PLEKHA1: variants seen among roughly 807,000 people sequenced by gnomAD.
The protein encoded by PLEKHA1 is pleckstrin homology domain-containing family A member 1.
Under a neutral mutation model 52.0 loss-of-function variants are expected in PLEKHA1, and 34 were observed. The observed-to-expected ratio is 0.65, with a 90% CI of 0.50 to 0.87. The LOEUF is 0.87. Ranked by LOEUF, PLEKHA1 falls within the 40% of genes least tolerant of loss-of-function variation. PLEKHA1 has a pLI of 0.00. For synonymous variants in PLEKHA1, 163 were observed against 170.7 expected (o/e 0.95, Z 0.35); for missense variants, 497 against 504.2 (o/e 0.99, Z 0.14).
chr10:122,407,724 CTTGTG>C (rs1007926406), intron 5 of PLEKHA1, among the ~76,000 whole-genome samples: 2 of 152,090 alleles, frequency 1.3e-5, no homozygotes, highest in Non-Finnish European at 2.9e-5. Flanking sequence ...GGAAGGAGTT[CTTGTG>C]TTGTGAGATT....
At chr10:122,435,736 T>A (rs2097435281), downstream of PLEKHA1, 1 of 152,164 alleles carries the variant, frequency 6.6e-6, no homozygotes, top group Non-Finnish European at 1.5e-5. Context: ...TTTGGTTTTT[T>A]AATTATGTCC....
At chr10:122,417,236 G>A (rs2097189629) in intron 7 of PLEKHA1, among the ~76,000 whole-genome samples, 1 of 151,912 alleles carries the variant, frequency 6.6e-6, no homozygotes. Flanking sequence ...TTTACAGATG[G>A]AGAAACTTGA....
chr10:122,417,986 A>G lies in PLEKHA1; in HGVS notation c.681+18A>G, dbSNP rs763025972. The G allele has an allele frequency of 9.5e-6, 15 of 1,579,818 alleles. No individual in the cohort carries two copies. In the South Asian group the frequency reaches 1.3e-4, roughly 14 times the overall value. The stretch of plus-strand genomic sequence containing the variant: ...CTGAACTGGTATGTTGTTACGTCAT[A>G]AATGTTGCTATAAGAATGTTTGAAA... On this transcript the variant is annotated intron_variant, in intron 8 of 11. Coordinates refer to ENST00000368990, the MANE Select transcript of PLEKHA1 (RefSeq NM_001001974.4).
the PLEKHA1 span, chr10:122,439,987 A>T: frequency 6.6e-6 from 1 of 152,226 alleles, no homozygotes; most frequent in Admixed American, 6.5e-5. Context: ...CAATATACAG[A>T]ACTTATTTAA....
At chr10:122,413,776 G>A (rs2097138277) in intron 6 of PLEKHA1, among the ~76,000 whole-genome samples, 1 of 152,086 alleles carries the variant, frequency 6.6e-6, no homozygotes, top group Non-Finnish European at 1.5e-5. Context: ...TGGATATTAA[G>A]TTACTAGTAG....
intron 5 of PLEKHA1, among the ~76,000 whole-genome samples, chr10:122,409,245 A>T (rs1310262888): frequency 1.3e-5 from 2 of 152,182 alleles, no homozygotes; most frequent in Non-Finnish European, 2.9e-5. Flanking sequence ...AATCCATTTA[A>T]TACCCCAACA....
chr10:122,406,742 C>G, intron 5 of PLEKHA1, 69 bp downstream of exon 5: 1 of 1,161,638 alleles, frequency 8.6e-7, no homozygotes, highest in South Asian at 1.3e-5. Context: ...GAAAATACAC[C>G]TACCAAATGT....
chr10:122,390,235 G>A (rs1351244285), intron 1 of PLEKHA1, among the ~76,000 whole-genome samples: 1 of 152,216 alleles, frequency 6.6e-6, no homozygotes, highest in Non-Finnish European at 1.5e-5. Context: ...GTTAGGCTTT[G>A]ACTTAAGGGG....
At chr10:122,429,171 G>A (rs1275620932) in intron 11 of PLEKHA1, among the ~76,000 whole-genome samples, 1 of 152,146 alleles carries the variant, frequency 6.6e-6, no homozygotes, top group Non-Finnish European at 1.5e-5. Flanking sequence ...GCCTTTCATT[G>A]TTATAGTCTA....
chr10:122,429,464 A>G (rs562872404), intron 11 of PLEKHA1, among the ~76,000 whole-genome samples, 160 bp from the exon 12 acceptor site: 1 of 151,536 alleles, frequency 6.6e-6, no homozygotes, highest in Admixed American at 6.6e-5. Flanking sequence ...GAACTTGCAC[A>G]TTTATGCTGC....
intron 5 of PLEKHA1, among the ~76,000 whole-genome samples, chr10:122,411,513 A>G (rs2097106294): frequency 6.6e-6 from 1 of 152,206 alleles, no homozygotes; most frequent in Admixed American, 6.5e-5. Context: ...GAAGAAGAGC[A>G]CAGGTTTTAG....
chr10:122,379,438 A>T (rs1022908334), intron 1 of PLEKHA1, among the ~76,000 whole-genome samples: 14 of 152,194 alleles, frequency 9.2e-5, no homozygotes, highest in African/African-American at 3.4e-4. Flanking sequence ...ACATGGGGTC[A>T]GTCACTCAGT....
chr10:122,387,231 GGT>G (rs1188422059), intron 1 of PLEKHA1: 1 of 151,378 alleles, frequency 6.6e-6, no homozygotes, highest in Non-Finnish European at 1.5e-5. Context: ...AGCTTTTTAG[GGT>G]GGAGTTTATG....
chr10:122,383,919 G>A (rs527917031), intron 1 of PLEKHA1, among the ~76,000 whole-genome samples: 3 of 151,926 alleles, frequency 2.0e-5, no homozygotes, highest in Non-Finnish European at 4.4e-5. Context: ...TCCTGCTTTT[G>A]AATTTAATTT....
At chr10:122,395,196 G>C (rs2096833717) in intron 2 of PLEKHA1, among the ~76,000 whole-genome samples, 1 of 148,616 alleles carries the variant, frequency 6.7e-6, no homozygotes, top group African/African-American at 2.5e-5. Context: ...ACTCAGCTAG[G>C]TCTTGTCCAC....
intron 1 of PLEKHA1, among the ~76,000 whole-genome samples, chr10:122,392,871 A>C (rs1228648797): frequency 2.0e-5 from 3 of 152,202 alleles, no homozygotes; most frequent in Non-Finnish European, 2.9e-5. Context: ...AGGAAATTAA[A>C]ATTTGGATAA....
At chr10:122,399,762 T>C (rs1047633499) in intron 3 of PLEKHA1, among the ~76,000 whole-genome samples, 29 of 152,128 alleles carry the variant, frequency 1.9e-4, no homozygotes, top group African/African-American at 6.3e-4. Flanking sequence ...TTTTTTTGTA[T>C]TTTTAGTAGA....
chr10:122,424,720 C>A (rs193121788), intron 9 of PLEKHA1, among the ~76,000 whole-genome samples, 176 bp from the exon 10 acceptor site: 1 of 152,230 alleles, frequency 6.6e-6, no homozygotes, highest in South Asian at 2.1e-4. Flanking sequence ...AAAAGTGAAA[C>A]TACATGAAAT....
intron 1 of PLEKHA1, among the ~76,000 whole-genome samples, chr10:122,379,610 C>T (rs1254296396): frequency 6.6e-6 from 1 of 152,224 alleles, no homozygotes; most frequent in African/African-American, 2.4e-5. Flanking sequence ...TTCTTTCCCT[C>T]TCTTCTGTCA....
Sources: gnomAD v4.1 joint callset for allele counts (sites outside exome capture counted in the v4.1 genomes callset) on GRCh38, gnomAD v4.1.1 for gene constraint, MANE v1.5 for transcripts, NCBI Gene and HGNC (gene_info 2026-07-23, HGNC 2026-07-21) for gene names.